Variants in NLGN1 observed in about 807,000 individuals in gnomAD.
NLGN1 encodes the protein neuroligin-1.
In NLGN1, 12 loss-of-function variants were observed where a neutral mutation model predicts 65.5. The observed-to-expected ratio is 0.18, with a 90% CI of 0.12 to 0.30. The LOEUF (loss-of-function observed/expected upper bound fraction) is 0.30. Among genes scored for constraint, NLGN1 ranks in the 10% least tolerant of loss-of-function variants. The pLI, the probability that NLGN1 is intolerant of heterozygous loss-of-function variation, is 1.00. For synonymous variants in NLGN1, 350 were observed against 359.5 expected, an observed-to-expected ratio of 0.97 and a Z score of 0.30; for missense variants, 750 against 1,007.1, an observed-to-expected ratio of 0.74 and a Z score of 3.46.
chr3:173,425,171 G>T (rs1363121565), intron 1 of NLGN1, among the ~76,000 whole-genome samples: 1 of 152,122 alleles, frequency 6.6e-6, no homozygotes, highest in Admixed American at 6.6e-5. Context: ...TTACTATCAT[G>T]AGAACAGCAA....
chr3:174,281,420 T>G (rs1751525335), exon 7 of NLGN1: 2 of 685,744 alleles, frequency 2.9e-6, no homozygotes, highest in Admixed American at 5.9e-5. Flanking sequence ...ATTATGTGAA[T>G]ATACATATCA....
At chr3:173,905,399 GA>G (rs1738186721) in intron 4 of NLGN1, among the ~76,000 whole-genome samples, 1 of 151,836 alleles carries the variant, frequency 6.6e-6, no homozygotes, top group African/African-American at 2.4e-5. Context: ...AATACGTTAA[GA>G]AAGATTTCAA....
chr3:173,800,313 A>G lies in NLGN1; in HGVS notation c.494-7367A>G, dbSNP rs984524289. On this transcript the variant is annotated intron_variant, in intron 3 of 6. Coordinates refer to ENST00000457714, the Ensembl canonical transcript of NLGN1. ...CCTAGGTCCCCTTACAAAGAAACAG[A>G]CAGATGATTTAGGTGATAATGACGG... is the stretch of plus-strand genomic sequence containing the variant. The G allele has an allele frequency of 2.5e-6, 3 of 1,216,168 alleles. No individual in the cohort carries two copies. In the Admixed American group the frequency reaches 7.9e-5, roughly 32 times the overall value. 75.3% of individuals were successfully genotyped at this position (1,216,168 alleles called of 1,614,324 possible).
At chr3:174,102,824 G>T (rs764413971) in intron 4 of NLGN1, among the ~76,000 whole-genome samples, 3 of 150,768 alleles carry the variant, frequency 2.0e-5, no homozygotes, top group Non-Finnish European at 4.4e-5. Context: ...TATTAGATTC[G>T]CCAGGAGAAG....
chr3:173,496,159 A>G (rs1729991895), intron 2 of NLGN1, among the ~76,000 whole-genome samples: 1 of 151,566 alleles, frequency 6.6e-6, no homozygotes, highest in African/African-American at 2.4e-5. Context: ...TCATTACCCA[A>G]CTTTGAGACT....
At chr3:173,956,735 T>C (rs1712161081) in intron 4 of NLGN1, among the ~76,000 whole-genome samples, 1 of 152,144 alleles carries the variant, frequency 6.6e-6, no homozygotes, top group Non-Finnish European at 1.5e-5. Flanking sequence ...ACGTTCTAAA[T>C]AGAACAAAGC....
chr3:173,593,621 A>G (rs1438414266), intron 2 of NLGN1, among the ~76,000 whole-genome samples: 1 of 152,188 alleles, frequency 6.6e-6, no homozygotes. Flanking sequence ...TGGTCCCTCC[A>G]GGAGAAAACT....
At chr3:173,989,392 C>G (rs1251118388) in intron 4 of NLGN1, among the ~76,000 whole-genome samples, 2 of 152,172 alleles carry the variant, frequency 1.3e-5, no homozygotes, top group Non-Finnish European at 2.9e-5. Context: ...CCAAAATTTC[C>G]TCTCCCATGG....
At chr3:173,814,500 A>G (rs1297263998) in intron 4 of NLGN1, among the ~76,000 whole-genome samples, 1 of 152,178 alleles carries the variant, frequency 6.6e-6, no homozygotes, top group Non-Finnish European at 1.5e-5. Context: ...CATTATTTTT[A>G]TTCCCTTACT....
At chr3:174,106,848 TA>T (rs913866221) in intron 4 of NLGN1, among the ~76,000 whole-genome samples, 3 of 152,004 alleles carry the variant, frequency 2.0e-5, no homozygotes, top group African/African-American at 7.2e-5. Flanking sequence ...TTTTAAAAGA[TA>T]AAGAGAATTC....
chr3:174,108,875 C>G (rs2152609639), intron 4 of NLGN1, among the ~76,000 whole-genome samples: 1 of 152,094 alleles, frequency 6.6e-6, no homozygotes, highest in Middle Eastern at 3.4e-3. Context: ...TCTGCTTGCT[C>G]TTCATATTTC....
At chr3:174,222,993 A>G (rs1209851051) in intron 4 of NLGN1, among the ~76,000 whole-genome samples, 2 of 152,110 alleles carry the variant, frequency 1.3e-5, no homozygotes, top group Non-Finnish European at 2.9e-5. Context: ...AATCAATCTC[A>G]CTTTATCTAA....
At chr3:173,892,030 C>G (rs1160120284) in intron 4 of NLGN1, among the ~76,000 whole-genome samples, 2 of 152,190 alleles carry the variant, frequency 1.3e-5, no homozygotes, top group African/African-American at 4.8e-5. Context: ...ACCTGAATTA[C>G]TGTTCTACTT....
chr3:173,547,153 T>G (rs1273930497), intron 2 of NLGN1, among the ~76,000 whole-genome samples: 11 of 152,138 alleles, frequency 7.2e-5, no homozygotes, highest in Admixed American at 7.2e-4. Context: ...AAATTGCTAT[T>G]TTTTTTCTCA....
At chr3:173,702,351 G>A (rs918594203) in intron 3 of NLGN1, among the ~76,000 whole-genome samples, 1 of 152,090 alleles carries the variant, frequency 6.6e-6, no homozygotes, top group Non-Finnish European at 1.5e-5. Context: ...AAGAATTTAT[G>A]TATGTCCTGC....
intron 4 of NLGN1, among the ~76,000 whole-genome samples, chr3:174,118,004 T>G (rs1283064150): frequency 2.0e-5 from 3 of 150,996 alleles, no homozygotes; most frequent in African/African-American, 7.4e-5. Context: ...GAGTTTGTTT[T>G]GTTTTTTCTC....
intron 2 of NLGN1, among the ~76,000 whole-genome samples, chr3:173,590,843 A>G (rs1422181552): frequency 6.6e-6 from 1 of 152,182 alleles, no homozygotes; most frequent in Non-Finnish European, 1.5e-5. Flanking sequence ...TAGTGATTTC[A>G]TATAGAGTTT....
intron 4 of NLGN1, chr3:174,180,787 G>C (rs1730254905): frequency 6.6e-6 from 1 of 151,856 alleles, no homozygotes; most frequent in Admixed American, 6.6e-5. Context: ...ACTTCCCACA[G>C]ATCACAATCA....
chr3:174,157,940 G>A (rs1176405991), intron 4 of NLGN1, among the ~76,000 whole-genome samples: 1 of 151,522 alleles, frequency 6.6e-6, no homozygotes, highest in African/African-American at 2.4e-5. Flanking sequence ...CATCAACCAG[G>A]ATTCTAACAC....
Sources: allele counts gnomAD v4.1 joint callset (sites outside exome capture counted in the v4.1 genomes callset), GRCh38; gene constraint gnomAD v4.1.1; transcripts MANE v1.5; gene names NCBI Gene and HGNC (gene_info 2026-07-23, HGNC 2026-07-21).